Variants in ZNF140 observed in about 807,000 individuals in gnomAD.
The protein encoded by ZNF140 is zinc finger protein 140 (clone pHZ-39).
ZNF140 carries 13 observed loss-of-function variants against 12.9 expected under a neutral mutation model. That is an observed-to-expected ratio of 1.01 (90% CI 0.66 to 1.60). The LOEUF is 1.60. Ranked by LOEUF, ZNF140 falls within the 40% of genes most tolerant of loss-of-function variation. The pLI is 0.00. For missense variants in ZNF140, 531 were observed against 548.8 expected, an observed-to-expected ratio of 0.97 and a Z score of 0.32; for synonymous variants, 214 against 186.7, an observed-to-expected ratio of 1.15 and a Z score of -1.19.
chr12:133,081,248 C>T (rs933565030), intron 1 of ZNF140, 25 bp from the exon 2 acceptor site: 2 of 1,413,348 alleles, frequency 1.4e-6, no homozygotes, highest in Non-Finnish European at 1.9e-6. Flanking sequence ...CCTGTTCGCT[C>T]AGGGCTCCTT....
intron 4 of ZNF140, chr12:133,100,967 C>A: frequency 2.2e-6 from 1 of 453,606 alleles, no homozygotes; most frequent in Admixed American, 2.4e-5. Context: ...CTATTTAATA[C>A]TTTTAAATAT....
At position 133,106,238 on chromosome 12, in the gene ZNF140, A is replaced by G; in HGVS notation, c.961A>G (p.Ser321Gly). 1 of 1,614,232 alleles carries G rather than the reference A, an allele frequency of 6.2e-7. No homozygotes were observed. Among genetic ancestry groups the G allele is most frequent in the South Asian group, 1.1e-5 (1 of 91,088 alleles). ...TTTCTCACACCTTACTCGACATCAG[A>G]GCATCCATACAACCAAAACCCCGTA... The part of the protein sequence containing the change: ...RRFSHLTRHQ[S>G]IHTTKTPYEC... The change falls in exon 5 of 5, where the codon AGC becomes GGC. Residue 321 changes from serine to glycine, a missense_variant. Ser to Gly is a moderately conservative substitution (Grantham distance 56, BLOSUM62 0). Coordinates refer to ENST00000355557, the MANE Select transcript of ZNF140 (RefSeq NM_003440.4).
chr12:133,088,418 A>T (rs1425984981), intron 4 of ZNF140, among the ~76,000 whole-genome samples: 6 of 152,198 alleles, frequency 3.9e-5, no homozygotes, highest in African/African-American at 1.4e-4. Context: ...TTTTAGTTAC[A>T]TGTCTTTTCA....
intron 4 of ZNF140, among the ~76,000 whole-genome samples, chr12:133,089,124 G>A (rs1954772596): frequency 6.6e-6 from 1 of 152,162 alleles, no homozygotes; most frequent in South Asian, 2.1e-4. Flanking sequence ...AGAGATTGAG[G>A]GGATTGGTAT....
At chr12:133,101,694 C>T (rs1955356312) in intron 4 of ZNF140, among the ~76,000 whole-genome samples, 1 of 152,182 alleles carries the variant, frequency 6.6e-6, no homozygotes, top group Non-Finnish European at 1.5e-5. Context: ...CTGCCAGCCT[C>T]CACCTCCCAA....
chr12:133,081,348 A>ATATATAT lies in ZNF140; in HGVS notation c.9+19_9+20insTATATAT, dbSNP rs1954474525. ...GTCTCAGGTAAGCTAATGATTGATA[A>ATATATAT]ATATATATATATATATATATATAAA... On this transcript the variant is annotated intron_variant, in intron 2 of 4. Coordinates refer to ENST00000355557, the MANE Select transcript of ZNF140 (RefSeq NM_003440.4). 243 of 318,796 alleles carry ATATATAT rather than the reference A, an allele frequency of 7.6e-4. 2 individuals are homozygous for ATATATAT. The highest frequency in any genetic ancestry group is 1.2e-3 in the Non-Finnish European group (213 of 172,494). 19.7% of individuals were successfully genotyped at this position (318,796 alleles called of 1,614,324 possible).
At chr12:133,095,198 A>G (rs1298477162) in intron 4 of ZNF140, among the ~76,000 whole-genome samples, 1 of 151,170 alleles carries the variant, frequency 6.6e-6, no homozygotes, top group Non-Finnish European at 1.5e-5. Flanking sequence ...TCTGGAAACC[A>G]TGGGCAGAAT....
chr12:133,085,047 G>A (rs377708232), intron 4 of ZNF140, among the ~76,000 whole-genome samples: 4 of 150,064 alleles, frequency 2.7e-5, no homozygotes, highest in Admixed American at 6.6e-5. Context: ...TTTTTGAGAC[G>A]AAGTCTCGCT....
rs929978580 is a variant in ZNF140, at chr12:133,098,449, A to C, written c.233-7061A>C. Among the ~76,000 whole-genome samples, 102 of 151,876 alleles carry C rather than the reference A, an allele frequency of 6.7e-4. 1 individual carries two copies. The highest frequency in any genetic ancestry group is 2.2e-4 in the Non-Finnish European group (15 of 67,980). On this transcript the variant is annotated intron_variant, in intron 4 of 4. Coordinates refer to ENST00000355557, the MANE Select transcript of ZNF140 (RefSeq NM_003440.4). ...GAGATAGGGTTTTGCCATGTTGGCC[A>C]GGCTGGTCTCAAACTCCTGACCTTA...
chr12:133,103,699 T>C (rs1265717460), intron 4 of ZNF140, among the ~76,000 whole-genome samples: 1 of 152,240 alleles, frequency 6.6e-6, no homozygotes, highest in Admixed American at 6.6e-5. Flanking sequence ...ATCTTATCTC[T>C]GGTCTTTTAT....
chr12:133,093,804 C>T (rs914000320), intron 4 of ZNF140, among the ~76,000 whole-genome samples: 1 of 150,992 alleles, frequency 6.6e-6, no homozygotes, highest in African/African-American at 2.5e-5. Context: ...CTCTTCCTCT[C>T]TCTCTCTCTC....
chr12:133,106,117 A>G lies in ZNF140; in HGVS notation c.840A>G (p.Lys280=), dbSNP rs890839715. ...AATATATATGTAGGAAATGTGGTAA[A>G]GCATTTAGCAGTGGCTCAGAACTCA... is the stretch of plus-strand genomic sequence containing the variant. The part of the protein sequence containing the change: ...KKQYICRKCG[K]AFSSGSELIR... The change falls in exon 5 of 5, where the codon AAA becomes AAG. Residue 280 remains lysine, a synonymous_variant. Coordinates refer to ENST00000355557, the MANE Select transcript of ZNF140 (RefSeq NM_003440.4). The G allele has an allele frequency of 6.2e-7, 1 of 1,614,082 alleles. No homozygotes were observed. The highest frequency in any genetic ancestry group is 8.5e-7 in the Non-Finnish European group (1 of 1,180,038).
At chr12:133,103,631 G>A (rs1955448204) in intron 4 of ZNF140, among the ~76,000 whole-genome samples, 1 of 151,834 alleles carries the variant, frequency 6.6e-6, no homozygotes, top group East Asian at 1.9e-4. Context: ...TCAGTTCCCA[G>A]TAAGTTTCCT....
At chr12:133,102,938 G>A (rs1419697571) in intron 4 of ZNF140, among the ~76,000 whole-genome samples, 8 of 151,170 alleles carry the variant, frequency 5.3e-5, no homozygotes, top group African/African-American at 2.0e-4. Flanking sequence ...TTTATATCTC[G>A]AACATTGTTT....
At chr12:133,083,338 G>A in intron 3 of ZNF140, 109 bp downstream of exon 3, 1 of 1,492,912 alleles carries the variant, frequency 6.7e-7, no homozygotes, top group Non-Finnish European at 9.0e-7. Flanking sequence ...CTTAAAATTA[G>A]TTTTAAGATG....
intron 4 of ZNF140, among the ~76,000 whole-genome samples, chr12:133,092,725 G>A (rs1172022782): frequency 6.6e-6 from 1 of 151,140 alleles, no homozygotes; most frequent in Non-Finnish European, 1.5e-5. Context: ...CACCATCATA[G>A]GCCGGATTAG....
chr12:133,093,221 T>C (rs1028719668), intron 4 of ZNF140, among the ~76,000 whole-genome samples: 1 of 151,258 alleles, frequency 6.6e-6, no homozygotes, highest in Non-Finnish European at 1.5e-5. Flanking sequence ...TGCACTGTTA[T>C]TAACGTATAC....
At chr12:133,089,921 C>T (rs1241133508) in intron 4 of ZNF140, among the ~76,000 whole-genome samples, 2 of 151,558 alleles carry the variant, frequency 1.3e-5, no homozygotes, top group African/African-American at 4.9e-5. Flanking sequence ...CACTATCTCA[C>T]TTACTGCAGC....
At chr12:133,094,928 C>G (rs1009997617) in intron 4 of ZNF140, among the ~76,000 whole-genome samples, 1 of 151,452 alleles carries the variant, frequency 6.6e-6, no homozygotes, top group Admixed American at 6.6e-5. Flanking sequence ...CGAGCCATTA[C>G]TGGCTCTGCT....
Sources: gnomAD v4.1 joint callset for allele counts (sites outside exome capture counted in the v4.1 genomes callset) on GRCh38, gnomAD v4.1.1 for gene constraint, MANE v1.5 for transcripts, NCBI Gene and HGNC (gene_info 2026-07-23, HGNC 2026-07-21) for gene names.